Variants in LAMB4 observed in about 807,000 individuals in gnomAD.
LAMB4 encodes laminin subunit beta-4.
Under a neutral mutation model 199.2 loss-of-function variants are expected in LAMB4, and 196 were observed. That is an observed-to-expected ratio of 0.98 (90% CI 0.88 to 1.11). LAMB4 has a LOEUF of 1.11. LAMB4 is among the 50% of genes least tolerant of loss of function. LAMB4 has a pLI of 0.00. For missense variants in LAMB4, 2,080 were observed against 2,171.2 expected (o/e 0.96, Z 0.83); for synonymous variants, 744 against 770.6 (o/e 0.97, Z 0.57).
intron 25 of LAMB4, 93 bp downstream of exon 25, chr7:108,055,539 C>T (rs2035953970): frequency 7.6e-7 from 1 of 1,313,376 alleles, no homozygotes; most frequent in African/African-American, 1.5e-5. Context: ...AACATAGGTA[C>T]ATTTCTAAAT....
intron 14 of LAMB4, among the ~76,000 whole-genome samples, chr7:108,087,879 G>T (rs1184532874): frequency 6.6e-6 from 1 of 152,138 alleles, no homozygotes; most frequent in Non-Finnish European, 1.5e-5. Flanking sequence ...GATTTCTTTG[G>T]GCTTGGTTTT....
At chr7:108,067,458 T>C (rs1300601713) in intron 19 of LAMB4, among the ~76,000 whole-genome samples, 5 of 152,222 alleles carry the variant, frequency 3.3e-5, no homozygotes, top group South Asian at 4.1e-4. Context: ...ATATTAGCCA[T>C]GAGAGCTGTA....
chr7:108,011,876 CAT>C, the LAMB4 span, among the ~76,000 whole-genome samples: 14,824 of 149,970 alleles, frequency 0.099, 840 homozygotes, highest in Non-Finnish European at 0.12. Flanking sequence ...AAAATATAAA[CAT>C]ATATATATAT....
chr7:108,061,232 C>A (rs1283701523), intron 23 of LAMB4, among the ~76,000 whole-genome samples: 1 of 151,966 alleles, frequency 6.6e-6, no homozygotes, highest in East Asian at 1.9e-4. Context: ...TGAATGGACT[C>A]CTGGAACAGA....
In LAMB4 at chr7:108,092,411, T is replaced by A. The variant is rs776358741; in HGVS notation, c.1476A>T (p.Gly492=). 2 of 1,613,574 alleles carry A rather than the reference T, an allele frequency of 1.2e-6. No individual in the cohort carries two copies. Among genetic ancestry groups the A allele is most frequent in the Admixed American group, 1.7e-5 (1 of 59,998 alleles). Residue 492 remains glycine, a synonymous_variant, in exon 13 of 34, where the codon GGA becomes GGT. Coordinates refer to ENST00000388781, the MANE Select transcript of LAMB4 (RefSeq NM_007356.3). ...GGAGATGATTTCCCAGGCCCCAGTA[T>A]CCAACCTACAGAGAAAAAATGCTCA... ...TGAHCEECTV[G]YWGLGNHLHG... is the part of the protein sequence containing the mutation.
chr7:108,024,015 C>CA lies in LAMB4; in HGVS notation c.*23dup. 1.3e-6 allele frequency: 2 copies of CA among 1,578,282 alleles called. No homozygotes were observed. Among genetic ancestry groups the CA allele is most frequent in the Non-Finnish European group, 1.7e-6 (2 of 1,167,306 alleles). On this transcript the variant is annotated 3_prime_UTR_variant, in exon 34 of 34. Coordinates refer to ENST00000388781, the MANE Select transcript of LAMB4 (RefSeq NM_007356.3). ...ACATCAGAAACCAGAAACAAAGGCACAAGCTTTTGCTCTTTAACTCTGCCT... is the reference window on the plus strand; with the variant it reads ...ACATCAGAAACCAGAAACAAAGGCACAAAGCTTTTGCTCTTTAACTCTGCCT...
At chr7:108,080,617 A>G (rs1163421285) in intron 14 of LAMB4, among the ~76,000 whole-genome samples, 1 of 152,142 alleles carries the variant, frequency 6.6e-6, no homozygotes. Context: ...ACTGCCCTTC[A>G]TTTGATAAAT....
At chr7:108,089,575 C>T (rs752235082) in intron 14 of LAMB4, among the ~76,000 whole-genome samples, 5 of 152,202 alleles carry the variant, frequency 3.3e-5, no homozygotes, top group African/African-American at 1.2e-4. Flanking sequence ...GAGCCAGTGA[C>T]CCTAACTAAT....
rs1253359327 is a variant in LAMB4, at chr7:108,111,907, A to G, written c.232T>C (p.Tyr78His). 1 of 1,611,246 alleles carries G rather than the reference A, an allele frequency of 6.2e-7. No homozygotes were observed. ...CTGTTGGGTTGGTCATACGGATCAT[A>G]TGGAAATCTAGAGTCACAGATGAAG... Reference protein sequence around the residue: ...KCFICDSRFPYDPYDQPNSHT... With the variant: ...KCFICDSRFPHDPYDQPNSHT... Residue 78 changes from tyrosine (Y) to histidine (H), a missense_variant, in exon 4 of 34, where the codon TAT becomes CAT. By Grantham distance (83) the Tyr-to-His change is moderately conservative. Coordinates refer to ENST00000388781, the MANE Select transcript of LAMB4 (RefSeq NM_007356.3).
chr7:108,051,974 G>T (rs1292826964), intron 26 of LAMB4, 123 bp downstream of exon 26: 2 of 640,792 alleles, frequency 3.1e-6, no homozygotes, highest in African/African-American at 3.7e-5. Flanking sequence ...TAATGGTTGT[G>T]TTTGCATGTT....
intron 31 of LAMB4, among the ~76,000 whole-genome samples, chr7:108,031,331 CAAAAAA>C (rs60572529): frequency 1.3e-4 from 2 of 14,964 alleles, no homozygotes; most frequent in Non-Finnish European, 2.4e-4. Context: ...TCAACAATAA[CAAAAAA>C]AAAAAAAAAA....
intron 18 of LAMB4, among the ~76,000 whole-genome samples, chr7:108,068,484 C>T (rs1455897297): frequency 6.6e-6 from 1 of 151,902 alleles, no homozygotes; most frequent in Non-Finnish European, 1.5e-5. Context: ...ACTTCAATTC[C>T]TGATGTTCTA....
Position 108,069,785 on chromosome 7 carries a change from A to G in LAMB4, c.2225T>C (p.Met742Thr). ...LHNCVEIASA[M>T]GPQVLPGACE... ...GGCACCCGGGAGCACTTGAGGTCCCATTGCTGAGGCAATTTCAACACAGTT... is the reference window on the plus strand; with the variant it reads ...GGCACCCGGGAGCACTTGAGGTCCCGTTGCTGAGGCAATTTCAACACAGTT... Residue 742 changes from methionine (M) to threonine (T), a missense_variant, in exon 18 of 34, where the codon ATG becomes ACG. Physicochemically the swap from Met to Thr is moderately conservative, Grantham distance 81 (BLOSUM62 -1). Transcript: ENST00000388781. The G allele has an allele frequency of 6.2e-7, 1 of 1,614,034 alleles. No individual in the cohort carries two copies. The highest frequency in any genetic ancestry group is 1.1e-5 in the South Asian group (1 of 91,076).
chr7:108,119,741 C>G (rs1478839676), intron 2 of LAMB4, among the ~76,000 whole-genome samples: 1 of 152,078 alleles, frequency 6.6e-6, no homozygotes, highest in African/African-American at 2.4e-5. Context: ...GGCATAGACT[C>G]AAATACACGC....
At chr7:108,066,242 C>T (rs2036335789) in intron 20 of LAMB4, 127 bp downstream of exon 20, 1 of 722,858 alleles carries the variant, frequency 1.4e-6, no homozygotes, top group Non-Finnish European at 2.3e-6. Context: ...GCAATGCTCT[C>T]CCCGACCTAT....
In LAMB4 at chr7:108,092,324, T is replaced by C; in HGVS notation, c.1550+13A>G. On this transcript the variant is annotated intron_variant, in intron 13 of 33. Transcript: ENST00000388781. ...TAAATAAGGAATATTGCTATAAAACTTATTTGACTTACACGTTAGAATAAG... is the reference window on the plus strand; with the variant it reads ...TAAATAAGGAATATTGCTATAAAACCTATTTGACTTACACGTTAGAATAAG... 6.3e-7 allele frequency: 1 copy of C among 1,598,624 alleles called. No individual in the cohort carries two copies. Among genetic ancestry groups the C allele is most frequent in the Non-Finnish European group, 8.6e-7 (1 of 1,165,934 alleles).
intron 15 of LAMB4, 71 bp downstream of exon 15, chr7:108,079,530 T>C: frequency 7.9e-7 from 1 of 1,270,112 alleles, no homozygotes. Flanking sequence ...CTAGCAAGGC[T>C]GAAATGGAAA....
intron 29 of LAMB4, 62 bp from the exon 30 acceptor site, chr7:108,037,657 G>A: frequency 2.4e-6 from 3 of 1,266,096 alleles, no homozygotes; most frequent in Non-Finnish European, 3.4e-6. Flanking sequence ...TATCTTAAAA[G>A]TATAACCACA....
At chr7:108,026,601 G>A in intron 33 of LAMB4, 1 of 188,268 alleles carries the variant, frequency 5.3e-6, no homozygotes, top group Non-Finnish European at 1.1e-5. Flanking sequence ...TTATTATGCA[G>A]TGAATAAATG....
Sources: gnomAD v4.1 joint callset for allele counts (sites outside exome capture counted in the v4.1 genomes callset) on GRCh38, gnomAD v4.1.1 for gene constraint, MANE v1.5 for transcripts, NCBI Gene and HGNC (gene_info 2026-07-23, HGNC 2026-07-21) for gene names.